Variants in GJC1 observed in about 807,000 individuals in gnomAD.
GJC1 encodes gap junction gamma-1 protein.
Under a neutral mutation model 29.3 loss-of-function variants are expected in GJC1, and 5 were observed. That is an observed-to-expected ratio of 0.17 (90% CI 0.09 to 0.36). The LOEUF is 0.36. GJC1 is among the 10% of genes least tolerant of loss of function. The probability of loss-of-function intolerance (pLI) is 1.00; values close to 1 mark genes in which losing one functional copy is unlikely to be tolerated. For missense variants in GJC1, 310 were observed against 496.2 expected (o/e 0.62, Z 3.56); for synonymous variants, 177 against 183.3 (o/e 0.97, Z 0.28).
chr17:44,827,776 C>CA (rs924707854), intron 1 of GJC1, among the ~76,000 whole-genome samples: 4 of 150,580 alleles, frequency 2.7e-5, no homozygotes, highest in East Asian at 1.9e-4. Context: ...GCTAAAACTA[C>CA]AAAAAAAAAT....
intron 1 of GJC1, among the ~76,000 whole-genome samples, chr17:44,808,716 C>G (rs866990486): frequency 1.3e-5 from 2 of 152,098 alleles, no homozygotes; most frequent in African/African-American, 4.8e-5. Context: ...GAGTTGTGAT[C>G]GTGCCACTGC....
rs1311973575 is a variant in GJC1 at position 44,799,768 on chromosome 17, A to C, written c.*4859T>G. The C allele has an allele frequency of 6.6e-6, 1 of 152,136 alleles. No homozygotes were observed. The highest frequency in any genetic ancestry group is 6.6e-5 in the Admixed American group (1 of 15,254). 9.4% of individuals were successfully genotyped at this position (152,136 alleles called of 1,614,324 possible). On this transcript the variant is annotated 3_prime_UTR_variant, in exon 3 of 3. Coordinates refer to ENST00000592524, the MANE Select transcript of GJC1 (RefSeq NM_005497.4). ...AGCTCTGTCTCTACAAAAAATACAA[A>C]AATTAGCCAGGTGTGGTGGTGAGCA...
chr17:44,821,987 G>A (rs1477763521), intron 1 of GJC1, among the ~76,000 whole-genome samples: 1 of 151,190 alleles, frequency 6.6e-6, no homozygotes, highest in Non-Finnish European at 1.5e-5. Flanking sequence ...CACAAGGTCA[G>A]GAGATCAAGA....
chr17:44,818,307 G>A (rs1242368261), intron 1 of GJC1, among the ~76,000 whole-genome samples: 2 of 152,152 alleles, frequency 1.3e-5, no homozygotes, highest in Non-Finnish European at 1.5e-5. Flanking sequence ...TGGAATGAAA[G>A]TTTAAAAGTA....
Position 44,805,870 on chromosome 17 carries a change from CAACA to C in GJC1, c.-20-37_-20-34del. 1 of 933,584 alleles carries C rather than the reference CAACA, an allele frequency of 1.1e-6. No individual in the cohort carries two copies. The highest frequency in any genetic ancestry group is 1.7e-5 in the African/African-American group (1 of 59,952). 57.8% of individuals were successfully genotyped at this position (933,584 alleles called of 1,614,324 possible). ...AAGTGGAAAAATACCAAAATAAAATCAACAAATATTAAATCTTAATTTAATTACT... is the reference window on the plus strand; with the variant it reads ...AAGTGGAAAAATACCAAAATAAAATCAATATTAAATCTTAATTTAATTACT... On this transcript the variant is annotated intron_variant, in intron 2 of 2. Transcript: ENST00000592524. This position sits in a 1 kb window ranked among gnomAD's most constrained non-coding sequence, Gnocchi z 5.1.
intron 1 of GJC1, chr17:44,807,985 C>T (rs145263773): frequency 1.3e-5 from 2 of 152,268 alleles, no homozygotes; most frequent in Non-Finnish European, 2.9e-5. Context: ...ACAGATACAA[C>T]TACTCACAAA....
chr17:44,822,196 CAAAAAAAAAAAA>C lies in GJC1; in HGVS notation c.-97+7854_-97+7865del, dbSNP rs59152296. Among the ~76,000 whole-genome samples, 245 of 47,584 alleles carry C rather than the reference CAAAAAAAAAAAA, an allele frequency of 5.1e-3. 1 individual carries two copies. The highest frequency in any genetic ancestry group is 0.016 in the African/African-American group (226 of 14,520). 31.2% of individuals were successfully genotyped at this position (47,584 alleles called of 152,430 possible). Reference sequence around the variant, plus strand: ...TGGGAGACAGATCGAGACTCCGTCTCAAAAAAAAAAAAAAAAAAAAAAAAAAGAAACATATAT... The same window carrying C: ...TGGGAGACAGATCGAGACTCCGTCTCAAAAAAAAAAAAAAGAAACATATAT... On this transcript the variant is annotated intron_variant, in intron 1 of 2. Transcript: ENST00000592524.
At chr17:44,823,560 T>C (rs568014313) in intron 1 of GJC1, among the ~76,000 whole-genome samples, 1 of 147,760 alleles carries the variant, frequency 6.8e-6, no homozygotes, top group South Asian at 2.1e-4. Flanking sequence ...TCTTTCCTCC[T>C]TTTTTTTAAA....
downstream of GJC1, chr17:44,794,790 G>A (rs1355015478): frequency 6.6e-6 from 1 of 152,196 alleles, no homozygotes; most frequent in Non-Finnish European, 1.5e-5. Flanking sequence ...CCTCTGTGAT[G>A]GCCCCAGGAG....
intron 1 of GJC1, among the ~76,000 whole-genome samples, chr17:44,822,746 A>G (rs1252774714): frequency 1.3e-5 from 2 of 152,028 alleles, no homozygotes; most frequent in African/African-American, 2.4e-5. Context: ...TGGGGCCAAG[A>G]TGAAGAGCTC....
rs1291210139 is a variant in GJC1, at chr17:44,798,630, A to C, written c.*5997T>G. On this transcript the variant is annotated 3_prime_UTR_variant, in exon 3 of 3. Coordinates refer to ENST00000592524, the MANE Select transcript of GJC1 (RefSeq NM_005497.4). The stretch of plus-strand genomic sequence containing the variant: ...TGTTCATGCAATATCCAAACTGCAC[A>C]CCACATGACATTAGATTGCTGGTTA... 9 of 152,240 alleles carry C rather than the reference A, an allele frequency of 5.9e-5. No individual in the cohort carries two copies. Among genetic ancestry groups the C allele is most frequent in the Non-Finnish European group, 8.8e-5 (6 of 68,038 alleles). The allele number at this position is 152,240 out of a possible 1,614,324, so 9.4% of individuals were successfully genotyped here.
chr17:44,796,461 A>C (rs1165298379), downstream of GJC1, among the ~76,000 whole-genome samples: 1 of 152,232 alleles, frequency 6.6e-6, no homozygotes, highest in East Asian at 1.9e-4. Context: ...AGTCATTCTG[A>C]GCTGACTGAT....
chr17:44,823,422 T>C (rs1400041191), intron 1 of GJC1, among the ~76,000 whole-genome samples: 1 of 151,860 alleles, frequency 6.6e-6, no homozygotes, highest in Non-Finnish European at 1.5e-5. Flanking sequence ...CAGCTAATTT[T>C]TGTATTTTTA....
At chr17:44,811,749 A>G (rs1312530032) in intron 1 of GJC1, among the ~76,000 whole-genome samples, 1 of 151,862 alleles carries the variant, frequency 6.6e-6, no homozygotes, top group East Asian at 1.9e-4. Flanking sequence ...CACGCCTGTA[A>G]TCCCAGCACT....
In GJC1 at chr17:44,812,515, A is replaced by C. The variant is rs546183477; in HGVS notation, c.-96-5046T>G. ...AGGCATAAATGGGTTAAAACAAACA[A>C]ACACACACAAAAAAACCCATAATCA... is the stretch of plus-strand genomic sequence containing the variant. On this transcript the variant is annotated intron_variant, in intron 1 of 2. Transcript: ENST00000592524. 4.6e-5 allele frequency among the ~76,000 whole-genome samples: 7 copies of C among 152,208 alleles called. No individual in the cohort carries two copies. The South Asian group carries it at 6.2e-4, about 14-fold the overall frequency.
upstream of GJC1, chr17:44,830,827 C>T: frequency 2.5e-6 from 1 of 397,432 alleles, no homozygotes; most frequent in Non-Finnish European, 4.4e-6. This position sits in a 1 kb window ranked among gnomAD's most constrained non-coding sequence, Gnocchi z 4.3. Context: ...AGATACTTTT[C>T]AGGTCCTGAA....
At chr17:44,831,170 C>G (rs190233673), upstream of GJC1, among the ~76,000 whole-genome samples, 3 of 152,316 alleles carry the variant, frequency 2.0e-5, no homozygotes, top group East Asian at 5.8e-4. Context: ...CAAACTCCCC[C>G]ACCCAAAGCC....
chr17:44,811,811 C>T (rs1255613085), intron 1 of GJC1, among the ~76,000 whole-genome samples: 1 of 151,774 alleles, frequency 6.6e-6, no homozygotes, highest in Non-Finnish European at 1.5e-5. Flanking sequence ...CGAGACTGGC[C>T]TAGCTAACAT....
chr17:44,820,050 C>A (rs1273907797), intron 1 of GJC1, among the ~76,000 whole-genome samples: 1 of 151,936 alleles, frequency 6.6e-6, no homozygotes, highest in African/African-American at 2.4e-5. Context: ...GTTTTAATAT[C>A]CAGAAGTGGA....
Sources: gnomAD v4.1 joint callset for allele counts (sites outside exome capture counted in the v4.1 genomes callset) on GRCh38, gnomAD v4.1.1 for gene constraint, Gnocchi (gnomAD v3.1) non-coding constraint, MANE v1.5 for transcripts, NCBI Gene and HGNC (gene_info 2026-07-23, HGNC 2026-07-21) for gene names.